SOX5: variants seen among roughly 807,000 people sequenced by gnomAD.
SOX5 encodes the protein transcription factor SOX-5.
SOX5 carries 9 observed loss-of-function variants against 92.0 expected under a neutral mutation model. That is an observed-to-expected ratio of 0.10 (90% CI 0.06 to 0.17). SOX5 has a LOEUF of 0.17. Among genes scored for constraint, SOX5 ranks in the 10% least tolerant of loss-of-function variants. The pLI is 1.00. For synonymous variants in SOX5, 344 were observed against 336.3 expected (o/e 1.02, Z -0.25); for missense variants, 642 against 944.5 (o/e 0.68, Z 4.20).
chr12:23,989,354 T>C (rs1337589923), intron 4 of SOX5, among the ~76,000 whole-genome samples: 3 of 152,108 alleles, frequency 2.0e-5, no homozygotes, highest in African/African-American at 7.2e-5. Context: ...ATTGTGCCAC[T>C]GCAAAGTAAC....
chr12:23,979,698 G>GTTTTTTTGTTTTTTTTT (rs1949313537), intron 4 of SOX5, among the ~76,000 whole-genome samples: 2 of 64,692 alleles, frequency 3.1e-5, no homozygotes, highest in African/African-American at 5.7e-5. Context: ...ATATATATAT[G>GTTTTTTTGTTTTTTTTT]TTTTTTTTGT....
At position 23,809,472 on chromosome 12, in the gene SOX5, A is replaced by T. The variant is rs550281545; in HGVS notation, c.481+36511T>A. ...TCAACACCAGTATTACATAAATTTT[A>T]AAAAAAATTATAAAGTAGCCCCAAA... On this transcript the variant is annotated intron_variant, in intron 3 of 14. Transcript: ENST00000451604. Among the ~76,000 whole-genome samples, 66 of 151,996 alleles carry T rather than the reference A, an allele frequency of 4.3e-4. No homozygotes were observed. The South Asian group carries it at 5.6e-3, about 13-fold the overall frequency.
chr12:24,070,114 T>G (rs566086096), intron 4 of SOX5, among the ~76,000 whole-genome samples: 12 of 152,290 alleles, frequency 7.9e-5, no homozygotes, highest in African/African-American at 2.4e-4. Context: ...CTTCTCATAC[T>G]ATCTTCAGCA....
chr12:24,500,703 T>C (rs529266163), intron 1 of SOX5, among the ~76,000 whole-genome samples: 1 of 152,322 alleles, frequency 6.6e-6, no homozygotes, highest in Non-Finnish European at 1.5e-5. Context: ...TGTTGTACTA[T>C]TATTCCTTCT....
intron 2 of SOX5, among the ~76,000 whole-genome samples, chr12:23,867,963 G>T (rs1181968410): frequency 1.3e-5 from 2 of 151,608 alleles, no homozygotes; most frequent in African/African-American, 4.8e-5. Context: ...AAAATTTAAG[G>T]ATGTGAAGAA....
chr12:23,904,856 T>C (rs947715805), intron 1 of SOX5, among the ~76,000 whole-genome samples: 1 of 152,180 alleles, frequency 6.6e-6, no homozygotes, highest in Non-Finnish European at 1.5e-5. Context: ...CTTTTTGCTC[T>C]TCTCTTTGCT....
intron 1 of SOX5, among the ~76,000 whole-genome samples, chr12:24,414,831 C>T (rs1964735735): frequency 6.6e-6 from 1 of 152,184 alleles, no homozygotes; most frequent in Non-Finnish European, 1.5e-5. Flanking sequence ...GCTGTGCTCT[C>T]CCCACATGCC....
At chr12:23,984,592 G>A (rs986284473) in intron 4 of SOX5, among the ~76,000 whole-genome samples, 1 of 152,154 alleles carries the variant, frequency 6.6e-6, no homozygotes, top group African/African-American at 2.4e-5. Context: ...GTAGTGAAGA[G>A]AGACAGGATA....
chr12:23,946,375 G>T (rs1944590097), intron 1 of SOX5, among the ~76,000 whole-genome samples: 1 of 151,806 alleles, frequency 6.6e-6, no homozygotes, highest in Non-Finnish European at 1.5e-5. Context: ...AACTGTAACG[G>T]GAAGCTTAGA....
At chr12:24,038,302 T>TC (rs1956231995) in intron 4 of SOX5, among the ~76,000 whole-genome samples, 1 of 152,136 alleles carries the variant, frequency 6.6e-6, no homozygotes, top group African/African-American at 2.4e-5. Flanking sequence ...AACTCATCCC[T>TC]CCCAGGCTTT....
intron 9 of SOX5, among the ~76,000 whole-genome samples, chr12:23,594,611 A>C (rs1952075327): frequency 6.6e-6 from 1 of 152,174 alleles, no homozygotes; most frequent in Non-Finnish European, 1.5e-5. Context: ...GTACATAATA[A>C]CAATAGCTAG....
intron 4 of SOX5, among the ~76,000 whole-genome samples, chr12:24,189,687 T>G (rs910626144): frequency 8.5e-5 from 13 of 152,218 alleles, no homozygotes; most frequent in South Asian, 2.1e-4. Context: ...TTCTAGTTCT[T>G]ACCCTCAGAT....
At chr12:23,900,892 G>T (rs958512645) in intron 1 of SOX5, among the ~76,000 whole-genome samples, 1 of 152,054 alleles carries the variant, frequency 6.6e-6, no homozygotes, top group Non-Finnish European at 1.5e-5. Context: ...CCTGGGAAGC[G>T]GAGGTTGCAG....
At chr12:24,353,443 A>C (rs1954367992) in intron 2 of SOX5, among the ~76,000 whole-genome samples, 1 of 152,182 alleles carries the variant, frequency 6.6e-6, no homozygotes, top group Non-Finnish European at 1.5e-5. Flanking sequence ...CTCCTCTTCA[A>C]CCTCAGAGGA....
chr12:23,706,456 T>C (rs563517696), intron 6 of SOX5, among the ~76,000 whole-genome samples: 49 of 152,170 alleles, frequency 3.2e-4, no homozygotes, highest in Admixed American at 1.3e-3. Context: ...GCATGTCAAA[T>C]ACATGGTCTC....
chr12:23,905,101 G>T (rs2097278008), intron 1 of SOX5, among the ~76,000 whole-genome samples: 1 of 152,196 alleles, frequency 6.6e-6, no homozygotes, highest in South Asian at 2.1e-4. Flanking sequence ...TTTACTACTA[G>T]TTGGACACAG....
At chr12:23,600,268 C>A (rs1953230005) in intron 9 of SOX5, among the ~76,000 whole-genome samples, 1 of 151,902 alleles carries the variant, frequency 6.6e-6, no homozygotes, top group South Asian at 2.1e-4. Context: ...TAGCCATAAA[C>A]ATAGCTGTTA....
At chr12:23,699,615 GTAGTGCTAAATA>G (rs2090349470) in intron 6 of SOX5, among the ~76,000 whole-genome samples, 3 of 152,100 alleles carry the variant, frequency 2.0e-5, no homozygotes, top group African/African-American at 7.2e-5. Flanking sequence ...TCTTAGAGTG[GTAGTGCTAAATA>G]CTTCAGTATT....
intron 9 of SOX5, among the ~76,000 whole-genome samples, chr12:23,592,266 C>T (rs758815634): frequency 6.6e-6 from 1 of 151,906 alleles, no homozygotes; most frequent in Non-Finnish European, 1.5e-5. Flanking sequence ...TGATAAGACC[C>T]GAAAAAGGAA....
Sources: gnomAD v4.1 joint callset for allele counts (sites outside exome capture counted in the v4.1 genomes callset) on GRCh38, gnomAD v4.1.1 for gene constraint, MANE v1.5 for transcripts, NCBI Gene and HGNC (gene_info 2026-07-23, HGNC 2026-07-21) for gene names.